CPO: variants seen among roughly 807,000 people sequenced by gnomAD.
CPO encodes the protein carboxypeptidase O.
A neutral mutation model predicts 41.2 loss-of-function variants in CPO; 43 were observed. That is an observed-to-expected ratio of 1.04 (90% CI 0.82 to 1.35). The LOEUF (loss-of-function observed/expected upper bound fraction) is 1.35. Among genes scored for constraint, CPO ranks in the 40% most tolerant of loss-of-function variants. CPO has a pLI of 0.00. For missense variants in CPO, 408 were observed against 451.7 expected (o/e 0.90, Z 0.88); for synonymous variants, 178 against 162.7 (o/e 1.09, Z -0.72).
chr2:206,963,227 G>A (rs2105828535), intron 7 of CPO, among the ~76,000 whole-genome samples: 1 of 152,314 alleles, frequency 6.6e-6, no homozygotes. Context: ...TACTGAGAAG[G>A]ACTGGGCTCT....
At chr2:206,947,649 C>T (rs1693171263) in intron 1 of CPO, among the ~76,000 whole-genome samples, 2 of 152,082 alleles carry the variant, frequency 1.3e-5, no homozygotes, top group Non-Finnish European at 2.9e-5. Flanking sequence ...TCAAAACACA[C>T]ATCTGATAAA....
chr2:206,951,446 G>A (rs568875039), intron 2 of CPO, among the ~76,000 whole-genome samples: 133 of 152,200 alleles, frequency 8.7e-4, no homozygotes, highest in African/African-American at 3.1e-3. Flanking sequence ...GAATACACAT[G>A]TCTACATTTT....
chr2:206,940,071 T>G (rs1693000453), intron 1 of CPO, among the ~76,000 whole-genome samples: 1 of 152,134 alleles, frequency 6.6e-6, no homozygotes, highest in Non-Finnish European at 1.5e-5. Context: ...ACTATTAATG[T>G]TTTCAGATAG....
intron 2 of CPO, among the ~76,000 whole-genome samples, chr2:206,954,341 G>T (rs1693320146): frequency 6.6e-6 from 1 of 152,102 alleles, no homozygotes; most frequent in South Asian, 2.1e-4. Context: ...TCTCTCTCAA[G>T]TTCAAAGTTC....
intron 1 of CPO, among the ~76,000 whole-genome samples, chr2:206,945,960 A>G (rs546109526): frequency 3.6e-4 from 52 of 146,464 alleles, no homozygotes; most frequent in African/African-American, 5.6e-4. Context: ...AAATATTTAA[A>G]AAAATTTTTT....
intron 1 of CPO, among the ~76,000 whole-genome samples, chr2:206,948,524 G>T (rs938640741): frequency 8.5e-5 from 13 of 152,184 alleles, no homozygotes; most frequent in African/African-American, 2.9e-4. Flanking sequence ...AGCACTTTAG[G>T]AGGCTGAGGC....
In CPO at chr2:206,952,207, G is replaced by A. The variant is rs187613053; in HGVS notation, c.165+2494G>A. 4.0e-4 allele frequency among the ~76,000 whole-genome samples: 61 copies of A among 151,754 alleles called. 1 individual carries two copies. Among genetic ancestry groups the A allele is most frequent in the African/African-American group, 1.4e-3 (58 of 41,322 alleles). On this transcript the variant is annotated intron_variant, in intron 2 of 8. Coordinates refer to ENST00000272852, the MANE Select transcript of CPO (RefSeq NM_173077.3). The stretch of plus-strand genomic sequence containing the variant: ...TGGCTCACTGCAACCTCCACCTCCT[G>A]GGTTCAAGCAATTCTCTGCCTCAGC...
At chr2:206,949,087 AG>A (rs1392456456) in intron 1 of CPO, among the ~76,000 whole-genome samples, 37 of 149,862 alleles carry the variant, frequency 2.5e-4, no homozygotes, top group African/African-American at 7.8e-4. Flanking sequence ...AAAAAAAAAA[AG>A]ATTAGTTCTC....
chr2:206,947,366 C>A (rs1693165124), intron 1 of CPO, among the ~76,000 whole-genome samples: 1 of 152,098 alleles, frequency 6.6e-6, no homozygotes, highest in Non-Finnish European at 1.5e-5. Flanking sequence ...ATAAGTAAAT[C>A]TAGACATAGA....
intron 7 of CPO, 102 bp downstream of exon 7, chr2:206,962,716 G>C (rs563274693): frequency 1.1e-6 from 1 of 895,218 alleles, no homozygotes. Flanking sequence ...CCACCCTTTT[G>C]TTCTCTCTGC....
chr2:206,949,049 T>C (rs1486634127), intron 1 of CPO, among the ~76,000 whole-genome samples: 2 of 147,836 alleles, frequency 1.4e-5, no homozygotes, highest in Non-Finnish European at 3.0e-5. Context: ...TAATAAAGTT[T>C]ATTTTTAAAA....
chr2:206,965,693 T>A (rs1693560585), intron 7 of CPO, among the ~76,000 whole-genome samples: 1 of 152,260 alleles, frequency 6.6e-6, no homozygotes, highest in Non-Finnish European at 1.5e-5. Context: ...TGGGCCTGCC[T>A]CTGAATATAT....
At chr2:206,946,573 C>T (rs1281975724) in intron 1 of CPO, among the ~76,000 whole-genome samples, 1 of 152,086 alleles carries the variant, frequency 6.6e-6, no homozygotes, top group Non-Finnish European at 1.5e-5. Flanking sequence ...TCCCTCTCAG[C>T]ACTCTTTTTC....
In CPO at chr2:206,962,605, C is replaced by A; in HGVS notation, c.768C>A (p.His256Gln). The A allele has an allele frequency of 6.2e-7, 1 of 1,613,910 alleles. No homozygotes were observed. Among genetic ancestry groups the A allele is most frequent in the Middle Eastern group, 1.7e-4 (1 of 6,060 alleles). The change falls in exon 7 of 9, where the codon CAC becomes CAA. Residue 256 changes from histidine (H) to glutamine (Q), a missense_variant. Coordinates refer to ENST00000272852, the MANE Select transcript of CPO (RefSeq NM_173077.3). Reference sequence around the variant, plus strand: ...ACACCAAAAATAAATCAAGTAACCACCCAGAAATGGTGAGTCCATAGCACC... The same window carrying A: ...ACACCAAAAATAAATCAAGTAACCAACCAGAAATGGTGAGTCCATAGCACC... ...YGYTKNKSSNHPEMIQVGQKA... is the reference protein window; with the variant it reads ...YGYTKNKSSNQPEMIQVGQKA...
intron 8 of CPO, 39 bp downstream of exon 8, chr2:206,968,386 C>T: frequency 8.2e-7 from 1 of 1,216,248 alleles, no homozygotes; most frequent in Non-Finnish European, 1.2e-6. Context: ...GTATCTAAGG[C>T]ACAAAAGAAG....
intron 3 of CPO, among the ~76,000 whole-genome samples, chr2:206,957,670 T>G (rs1693395678): frequency 6.6e-6 from 1 of 152,102 alleles, no homozygotes; most frequent in African/African-American, 2.4e-5. Flanking sequence ...AATCCACAAT[T>G]AGCAGTTAAT....
chr2:206,958,044 T>A (rs140318867), intron 3 of CPO, among the ~76,000 whole-genome samples: 2 of 152,274 alleles, frequency 1.3e-5, no homozygotes, highest in Non-Finnish European at 2.9e-5. Context: ...ATAGGGAAGA[T>A]CATTCTTTGG....
At chr2:206,940,507 T>G (rs541681287) in intron 1 of CPO, among the ~76,000 whole-genome samples, 1 of 152,166 alleles carries the variant, frequency 6.6e-6, no homozygotes, top group African/African-American at 2.4e-5. Context: ...AGAGTAAATA[T>G]TTTATTACTA....
At chr2:206,955,005 A>G in intron 2 of CPO, among the ~76,000 whole-genome samples, 1 of 152,178 alleles carries the variant, frequency 6.6e-6, no homozygotes, top group Admixed American at 6.5e-5. Context: ...AGAATTCAAG[A>G]TGAGATTTGG....
Sources: allele counts gnomAD v4.1 joint callset (sites outside exome capture counted in the v4.1 genomes callset), GRCh38; gene constraint gnomAD v4.1.1; transcripts MANE v1.5; gene names NCBI Gene and HGNC (gene_info 2026-07-23, HGNC 2026-07-21).